The following TTC28 variants were observed in gnomAD, a reference collection of about 807,000 sequenced individuals.
TTC28 encodes the protein tetratricopeptide repeat protein 28.
A neutral mutation model predicts 198.0 loss-of-function variants in TTC28; 61 were observed. The observed-to-expected ratio is 0.31, with a 90% CI of 0.25 to 0.38. TTC28 has a LOEUF of 0.38. Among genes scored for constraint, TTC28 ranks in the 10% least tolerant of loss-of-function variants. TTC28 has a pLI of 1.00. For missense variants in TTC28, 2,678 were observed against 3,164.0 expected, an observed-to-expected ratio of 0.85 and a Z score of 3.69; for synonymous variants, 1,171 against 1,297.8, an observed-to-expected ratio of 0.90 and a Z score of 2.10.
At chr22:28,336,459 A>G (rs1407758324) in intron 2 of TTC28, among the ~76,000 whole-genome samples, 1 of 152,168 alleles carries the variant, frequency 6.6e-6, no homozygotes, top group African/African-American at 2.4e-5. Context: ...CAGTGAATCC[A>G]TCTGGTCCTG....
At chr22:28,036,766 C>T (rs1408963453) in intron 12 of TTC28, among the ~76,000 whole-genome samples, 2 of 151,866 alleles carry the variant, frequency 1.3e-5, no homozygotes, top group Admixed American at 6.6e-5. Context: ...ATTGACAGAC[C>T]GCTAGCAAGA....
At chr22:28,169,221 G>T (rs528654807) in intron 5 of TTC28, among the ~76,000 whole-genome samples, 1 of 152,184 alleles carries the variant, frequency 6.6e-6, no homozygotes, top group African/African-American at 2.4e-5. Context: ...TTACACTGTT[G>T]GTGGGACTGT....
intron 2 of TTC28, chr22:28,459,905 T>C (rs759517823): frequency 2.6e-5 from 4 of 152,222 alleles, no homozygotes; most frequent in Admixed American, 2.0e-4. Flanking sequence ...GTTGTGCTTT[T>C]AGGAAATGTT....
Position 27,981,481 on chromosome 22 carries a change from C to A in TTC28, c.*740G>T, listed in dbSNP as rs1266663536. ...AAAAGCACAAAGTTGCATTTTAAAT[C>A]ACAATTGCATAGTTCTAAAATGCCT... On this transcript the variant is annotated 3_prime_UTR_variant, in exon 23 of 23. Coordinates refer to ENST00000397906, the MANE Select transcript of TTC28 (RefSeq NM_001145418.2). 6.6e-6 allele frequency: 1 copy of A among 151,678 alleles called. No individual in the cohort carries two copies. The highest frequency in any genetic ancestry group is 1.9e-4 in the East Asian group (1 of 5,174). The allele number at this position is 151,678 out of a possible 1,614,324, so 9.4% of individuals were successfully genotyped here. A position where few individuals can be genotyped will look rare whatever the true frequency, so the allele number is the denominator to read the frequency against.
intron 2 of TTC28, among the ~76,000 whole-genome samples, chr22:28,343,811 C>T (rs2045868614): frequency 6.6e-6 from 1 of 152,074 alleles, no homozygotes; most frequent in Admixed American, 6.6e-5. Context: ...CTAGCTTTTA[C>T]CTATTTTTTA....
intron 12 of TTC28, among the ~76,000 whole-genome samples, chr22:28,032,944 G>A (rs1353279482): frequency 6.6e-6 from 1 of 152,214 alleles, no homozygotes; most frequent in Non-Finnish European, 1.5e-5. Context: ...GCAGGCAGGT[G>A]AAGGCTTGAA....
chr22:28,618,287 T>C (rs1027701204), intron 2 of TTC28, among the ~76,000 whole-genome samples: 7 of 151,516 alleles, frequency 4.6e-5, no homozygotes, highest in Admixed American at 3.9e-4. Flanking sequence ...AATCAATCAA[T>C]CAATCAATCA....
intron 2 of TTC28, among the ~76,000 whole-genome samples, chr22:28,419,215 A>G (rs1241965812): frequency 1.3e-5 from 2 of 152,266 alleles, no homozygotes; most frequent in African/African-American, 4.8e-5. Context: ...TATTTCCTCC[A>G]TATCTACTTG....
chr22:28,361,256 T>C (rs557777653), intron 2 of TTC28, among the ~76,000 whole-genome samples: 11 of 152,220 alleles, frequency 7.2e-5, no homozygotes, highest in Non-Finnish European at 1.6e-4. Context: ...AAGCTAGGCC[T>C]CTTGCACTGA....
At chr22:28,080,258 T>C (rs1941299079) in intron 12 of TTC28, among the ~76,000 whole-genome samples, 1 of 152,204 alleles carries the variant, frequency 6.6e-6, no homozygotes, top group Non-Finnish European at 1.5e-5. Flanking sequence ...TAGAGGAATG[T>C]CCATACTGTT....
chr22:28,169,656 A>G (rs1922442387), intron 5 of TTC28, among the ~76,000 whole-genome samples: 1 of 152,034 alleles, frequency 6.6e-6, no homozygotes, highest in African/African-American at 2.4e-5. Flanking sequence ...AACATCACAC[A>G]CCAGGGACTG....
chr22:28,519,048 T>C (rs1308190487), intron 2 of TTC28, among the ~76,000 whole-genome samples: 2 of 152,206 alleles, frequency 1.3e-5, no homozygotes, highest in African/African-American at 4.8e-5. Flanking sequence ...AGATAATTTT[T>C]ACAACCTTGG....
At chr22:28,659,281 T>G (rs2145692025) in intron 1 of TTC28, among the ~76,000 whole-genome samples, 1 of 152,338 alleles carries the variant, frequency 6.6e-6, no homozygotes, top group South Asian at 2.1e-4. Flanking sequence ...AAATTAATTT[T>G]TTTTTGAGAC....
intron 2 of TTC28, among the ~76,000 whole-genome samples, chr22:28,552,427 G>T (rs2049690851): frequency 6.6e-6 from 1 of 151,994 alleles, no homozygotes; most frequent in Non-Finnish European, 1.5e-5. Context: ...AGCCACGTAA[G>T]ACTAAGCAAA....
rs146795169 is a variant in TTC28 at position 28,596,262 on chromosome 22, G to A, written c.381+33290C>T. 1.3e-3 allele frequency among the ~76,000 whole-genome samples: 201 copies of A among 152,240 alleles called. 1 individual carries two copies. The East Asian group carries it at 0.017, about 13-fold the overall frequency. ...TGGGGAAGAAATGCAAATATTAAAG[G>A]AATGGGGGGAAAAAAAGACTGGTTA... On this transcript the variant is annotated intron_variant, in intron 2 of 22. Coordinates refer to ENST00000397906, the MANE Select transcript of TTC28 (RefSeq NM_001145418.2).
chr22:28,256,225 C>G (rs1019582460), intron 5 of TTC28, among the ~76,000 whole-genome samples: 2 of 151,706 alleles, frequency 1.3e-5, no homozygotes, highest in Non-Finnish European at 2.9e-5. Context: ...AGTTCGAGAC[C>G]AGCCTGGACA....
chr22:28,017,100 G>C (rs193107835), intron 13 of TTC28, among the ~76,000 whole-genome samples: 1 of 152,228 alleles, frequency 6.6e-6, no homozygotes, highest in Non-Finnish European at 1.5e-5. Context: ...GTCATCTAGG[G>C]GCAGGGAGTG....
intron 1 of TTC28, among the ~76,000 whole-genome samples, chr22:28,679,159 C>G (rs1182831575): frequency 6.6e-6 from 1 of 152,230 alleles, no homozygotes; most frequent in Non-Finnish European, 1.5e-5. Context: ...CAGACTTGCT[C>G]GCCTCCGGGG....
chr22:28,072,100 A>G (rs1206090604), intron 12 of TTC28, among the ~76,000 whole-genome samples: 1 of 152,226 alleles, frequency 6.6e-6, no homozygotes, highest in African/African-American at 2.4e-5. Flanking sequence ...TGTTCATGGC[A>G]CTTCACAGGA....
Sources: gnomAD v4.1 joint callset for allele counts (sites outside exome capture counted in the v4.1 genomes callset) on GRCh38, gnomAD v4.1.1 for gene constraint, MANE v1.5 for transcripts, NCBI Gene and HGNC (gene_info 2026-07-23, HGNC 2026-07-21) for gene names.